TEX14: variants seen among roughly 807,000 people sequenced by gnomAD.
TEX14 encodes the protein testis expressed 14, intercellular bridge forming factor.
A neutral mutation model predicts 178.6 loss-of-function variants in TEX14; 168 were observed. That is an observed-to-expected ratio of 0.94 (90% CI 0.83 to 1.07). TEX14 has a LOEUF of 1.07. Among genes scored for constraint, TEX14 ranks in the 50% least tolerant of loss-of-function variants. The pLI, the probability that TEX14 is intolerant of heterozygous loss-of-function variation, is 0.00. For missense variants in TEX14, 1,730 were observed against 1,753.6 expected (o/e 0.99, Z 0.24); for synonymous variants, 626 against 634.1 (o/e 0.99, Z 0.19).
chr17:58,617,771 T>G, intron 5 of TEX14, 152 bp from the exon 6 acceptor site: 1 of 588,138 alleles, frequency 1.7e-6, no homozygotes, highest in South Asian at 2.3e-5. Context: ...ACAGCCAGCC[T>G]CTGAGAGGGC....
intron 27 of TEX14, 113 bp from the exon 28 acceptor site, chr17:58,565,081 T>C: frequency 1.8e-6 from 1 of 559,946 alleles, no homozygotes; most frequent in South Asian, 2.6e-5. Flanking sequence ...AAGTGTGCAA[T>C]GCATTAGCTC....
At chr17:58,638,999 G>A (rs1001231393) in intron 2 of TEX14, among the ~76,000 whole-genome samples, 3 of 151,358 alleles carry the variant, frequency 2.0e-5, no homozygotes, top group Non-Finnish European at 2.9e-5. Flanking sequence ...GAGTAGCTGG[G>A]ACTACAGGCG....
In TEX14 at chr17:58,582,963, C is replaced by T. The variant is rs569319118; in HGVS notation, c.3171+1537G>A. 2.3e-3 allele frequency among the ~76,000 whole-genome samples: 350 copies of T among 150,514 alleles called. 4 individuals are homozygous for T. Among genetic ancestry groups the T allele is most frequent in the African/African-American group, 8.0e-3 (328 of 40,894 alleles). On this transcript the variant is annotated intron_variant, in intron 19 of 31. Transcript: ENST00000349033. ...ACTATGTGGCCAAACAAATGGCTCA[C>T]TTCAGTCTTTTTTTTTTTTTTTTTG...
chr17:58,686,751 A>G (rs1226828211), intron 1 of TEX14, among the ~76,000 whole-genome samples: 2 of 151,046 alleles, frequency 1.3e-5, no homozygotes, highest in African/African-American at 4.9e-5. Flanking sequence ...AAGAAGCTTT[A>G]TCATAACCAC....
intron 23 of TEX14, 98 bp downstream of exon 23, chr17:58,573,083 C>T: frequency 5.3e-6 from 8 of 1,512,822 alleles, no homozygotes; most frequent in Non-Finnish European, 7.1e-6. Flanking sequence ...ACTATGACAA[C>T]ACAGCCACCA....
chr17:58,568,771 C>T (rs1387155691), intron 26 of TEX14, among the ~76,000 whole-genome samples: 8 of 152,096 alleles, frequency 5.3e-5, no homozygotes, highest in African/African-American at 1.9e-4. Context: ...AATTTCAATA[C>T]CTTTAATACC....
intron 1 of TEX14, among the ~76,000 whole-genome samples, chr17:58,686,813 T>C (rs1184248631): frequency 2.0e-5 from 3 of 150,620 alleles, no homozygotes; most frequent in East Asian, 1.9e-4. Context: ...CTGAACAACA[T>C]TGACTTCTTT....
chr17:58,667,660 G>A (rs530615883), intron 1 of TEX14, among the ~76,000 whole-genome samples: 26 of 152,240 alleles, frequency 1.7e-4, no homozygotes, highest in African/African-American at 5.8e-4. Flanking sequence ...TGAGGTGGGC[G>A]AATCACTTGA....
intron 1 of TEX14, among the ~76,000 whole-genome samples, chr17:58,676,376 C>CA (rs1278481637): frequency 6.8e-5 from 10 of 146,412 alleles, no homozygotes; most frequent in South Asian, 2.2e-4. Flanking sequence ...AAATCCATCT[C>CA]AAAAAAAACC....
intron 9 of TEX14, 26 bp from the exon 10 acceptor site, chr17:58,611,365 G>T: frequency 6.7e-6 from 9 of 1,336,300 alleles, no homozygotes; most frequent in Admixed American, 2.3e-5. Context: ...GAAATGCCAC[G>T]AAAAAAAAAA....
chr17:58,690,735 C>G (rs925887869), intron 1 of TEX14, among the ~76,000 whole-genome samples: 15 of 152,158 alleles, frequency 9.9e-5, no homozygotes, highest in Non-Finnish European at 1.5e-5. Flanking sequence ...TCCTACAAGA[C>G]TTTCTTTGAC....
chr17:58,579,003 C>A (rs960991033), intron 20 of TEX14, among the ~76,000 whole-genome samples: 3 of 151,910 alleles, frequency 2.0e-5, no homozygotes, highest in Non-Finnish European at 2.9e-5. Flanking sequence ...CTTAAAAGAA[C>A]AAGAGTACAC....
intron 2 of TEX14, 83 bp from the exon 3 acceptor site, chr17:58,630,637 T>A: frequency 1.1e-6 from 1 of 902,076 alleles, no homozygotes; most frequent in Admixed American, 2.1e-5. Flanking sequence ...GAATTACATA[T>A]TTTTATAGTG....
At chr17:58,577,479 A>T in intron 20 of TEX14, 23 bp from the exon 21 acceptor site, 1 of 920,338 alleles carries the variant, frequency 1.1e-6, no homozygotes, top group Non-Finnish European at 1.5e-6. Flanking sequence ...AGTTAAAAAT[A>T]TATATATATA....
intron 2 of TEX14, among the ~76,000 whole-genome samples, chr17:58,650,391 T>A (rs907282336): frequency 6.6e-6 from 1 of 151,974 alleles, no homozygotes; most frequent in Non-Finnish European, 1.5e-5. Context: ...TTAAAACATA[T>A]GTGGATATGT....
chr17:58,660,493 G>C, intron 1 of TEX14: 1 of 699,328 alleles, frequency 1.4e-6, no homozygotes, highest in Non-Finnish European at 2.6e-6. Flanking sequence ...CACAGCTGTA[G>C]GGGAGCTCAG....
At chr17:58,654,055 G>A (rs941860671) in intron 1 of TEX14, among the ~76,000 whole-genome samples, 1 of 152,168 alleles carries the variant, frequency 6.6e-6, no homozygotes. Context: ...GCGGGCGCCT[G>A]TAGTCCCAGC....
chr17:58,682,757 C>T (rs1444952399), intron 1 of TEX14, among the ~76,000 whole-genome samples: 3 of 152,120 alleles, frequency 2.0e-5, no homozygotes, highest in Non-Finnish European at 4.4e-5. Context: ...TTGCTATTGG[C>T]CTAGTTATCA....
chr17:58,564,612 T>C (rs1046922430), intron 28 of TEX14, among the ~76,000 whole-genome samples: 2 of 152,220 alleles, frequency 1.3e-5, no homozygotes, highest in Non-Finnish European at 1.5e-5. Flanking sequence ...AATATACTTA[T>C]TAAGGTTATT....
Sources: allele counts gnomAD v4.1 joint callset (sites outside exome capture counted in the v4.1 genomes callset), GRCh38; gene constraint gnomAD v4.1.1; transcripts MANE v1.5; gene names NCBI Gene and HGNC (gene_info 2026-07-23, HGNC 2026-07-21).